The following MYT1L variants were observed in gnomAD, a reference collection of about 807,000 sequenced individuals.
MYT1L encodes myelin transcription factor 1-like protein.
MYT1L carries 12 observed loss-of-function variants against 126.7 expected under a neutral mutation model. The observed-to-expected ratio is 0.09, with a 90% confidence interval of 0.06 to 0.15. The LOEUF (loss-of-function observed/expected upper bound fraction) is 0.15, where lower values mean the gene tolerates loss of function less well. MYT1L is among the 10% of genes least tolerant of loss of function. The pLI is 1.00. For missense variants in MYT1L, 979 were observed against 1,585.2 expected (o/e 0.62, Z 6.49); for synonymous variants, 541 against 604.2 (o/e 0.90, Z 1.53).
In MYT1L at chr2:1,849,564, G is replaced by A. The variant is rs1421109497; in HGVS notation, c.2774+2077C>T. 1.6e-4 allele frequency among the ~76,000 whole-genome samples: 25 copies of A among 152,344 alleles called. No individual in the cohort carries two copies. The East Asian group carries it at 4.6e-3, about 28-fold the overall frequency. ...GCATCTTTGGTTGTCACGAAGGGGT[G>A]GATGCTCCTGGCATCTGGTGGGTGA... On this transcript the variant is annotated intron_variant, in intron 19 of 24. Coordinates refer to ENST00000647738, the MANE Select transcript of MYT1L (RefSeq NM_001303052.2).
chr2:2,308,845 A>T (rs1187427038), intron 1 of MYT1L, among the ~76,000 whole-genome samples: 4 of 151,924 alleles, frequency 2.6e-5, no homozygotes, highest in African/African-American at 9.7e-5. Flanking sequence ...GCTTCAGTAC[A>T]TTCGACCTAT....
intron 3 of MYT1L, among the ~76,000 whole-genome samples, chr2:2,077,860 G>C (rs1447064558): frequency 6.6e-6 from 1 of 152,148 alleles, no homozygotes; most frequent in African/African-American, 2.4e-5. Context: ...AAAACCACAC[G>C]AAAATACAGA....
intron 3 of MYT1L, among the ~76,000 whole-genome samples, chr2:2,081,032 T>C (rs925386967): frequency 2.6e-5 from 4 of 152,214 alleles, no homozygotes; most frequent in African/African-American, 9.6e-5. Context: ...TGACCACTAA[T>C]GGGTCCATTG....
At chr2:2,245,298 C>T (rs967466438) in intron 2 of MYT1L, among the ~76,000 whole-genome samples, 29 of 151,968 alleles carry the variant, frequency 1.9e-4, no homozygotes, top group African/African-American at 6.3e-4. Flanking sequence ...CGACTGAGAG[C>T]GGATGGTGCT....
intron 2 of MYT1L, among the ~76,000 whole-genome samples, chr2:2,241,308 C>G (rs905836540): frequency 1.3e-5 from 2 of 151,968 alleles, no homozygotes; most frequent in African/African-American, 4.8e-5. Flanking sequence ...ACATCCACCA[C>G]AAAACAGAAA....
intron 1 of MYT1L, among the ~76,000 whole-genome samples, chr2:2,290,358 G>T (rs993104010): frequency 6.6e-6 from 1 of 152,114 alleles, no homozygotes; most frequent in Non-Finnish European, 1.5e-5. Flanking sequence ...CTTTATTTGC[G>T]CAAGTCTGAA....
At chr2:1,926,585 T>C (rs537335738) in intron 9 of MYT1L, among the ~76,000 whole-genome samples, 1 of 152,316 alleles carries the variant, frequency 6.6e-6, no homozygotes, top group African/African-American at 2.4e-5. Flanking sequence ...TTTTTTGAGA[T>C]GGAGTCTCAC....
chr2:1,814,027 C>CA lies in MYT1L; in HGVS notation c.3081-4861dup, dbSNP rs144973855. On this transcript the variant is annotated intron_variant, in intron 21 of 24. Transcript: ENST00000647738. Reference sequence around the variant, plus strand: ...GGGCGACAGAGCGAGACTCCGTCCCCAAAAAAAAAAAAAAAAGAAAGAAAA... The same window carrying CA: ...GGGCGACAGAGCGAGACTCCGTCCCCAAAAAAAAAAAAAAAAAGAAAGAAAA... Among the ~76,000 whole-genome samples, 197 of 124,520 alleles carry CA rather than the reference C, an allele frequency of 1.6e-3. 2 individuals carry two copies. Among genetic ancestry groups the CA allele is most frequent in the African/African-American group, 3.0e-3 (102 of 33,912 alleles). The allele number at this position is 124,520 out of a possible 152,430, so 81.7% of individuals were successfully genotyped here.
At chr2:1,820,232 A>G (rs2148129379) in intron 21 of MYT1L, among the ~76,000 whole-genome samples, 1 of 152,316 alleles carries the variant, frequency 6.6e-6, no homozygotes, top group South Asian at 2.1e-4. Flanking sequence ...CTGAGTGTGC[A>G]ATCATTTTCC....
intron 18 of MYT1L, among the ~76,000 whole-genome samples, chr2:1,858,309 C>T (rs935198574): frequency 1.3e-5 from 2 of 152,148 alleles, no homozygotes; most frequent in African/African-American, 2.4e-5. Flanking sequence ...ACTTTCTTTC[C>T]AAACAGAAAG....
At chr2:1,970,791 G>A (rs2059757403) in intron 8 of MYT1L, among the ~76,000 whole-genome samples, 2 of 152,184 alleles carry the variant, frequency 1.3e-5, no homozygotes, top group South Asian at 4.1e-4. Context: ...GACAACAGCT[G>A]TACTGCACGC....
rs376472709 is a variant in MYT1L, at chr2:2,039,711, T to A, written c.-158+14267A>T. ...TTTGATGAGGAATAGGATGAGTTCA[T>A]TTGGGCATAGAAGTTGAGCTCACAC... On this transcript the variant is annotated intron_variant, in intron 4 of 24. Transcript: ENST00000647738. 2.7e-4 allele frequency among the ~76,000 whole-genome samples: 41 copies of A among 152,282 alleles called. No homozygotes were observed. In the South Asian group the frequency reaches 8.1e-3, roughly 30 times the overall value.
intron 9 of MYT1L, among the ~76,000 whole-genome samples, chr2:1,928,508 A>G (rs1467119478): frequency 6.6e-6 from 1 of 152,168 alleles, no homozygotes. Flanking sequence ...CCACTTCCAG[A>G]GCAAGCAGGC....
At chr2:2,011,429 GA>G (rs34924474) in intron 4 of MYT1L, among the ~76,000 whole-genome samples, 10,559 of 139,864 alleles carry the variant, frequency 0.075, 433 homozygotes, top group African/African-American at 0.12. Flanking sequence ...AGAAAAAAAA[GA>G]AAAAAAAAAA....
intron 5 of MYT1L, among the ~76,000 whole-genome samples, chr2:1,991,905 C>A (rs1325296525): frequency 6.6e-6 from 1 of 152,188 alleles, no homozygotes; most frequent in South Asian, 2.1e-4. Context: ...GCTCTCAGAG[C>A]TCTATCCTGG....
At position 1,790,431 on chromosome 2, in the gene MYT1L, A is replaced by G. The variant is rs150561632; in HGVS notation, c.*1436T>C. On this transcript the variant is annotated 3_prime_UTR_variant, in exon 25 of 25. Coordinates refer to ENST00000647738, the MANE Select transcript of MYT1L (RefSeq NM_001303052.2). ...GTGGTCTTATGCATACATATAGTGCAGTCATTGGGAGTAAAACAATCAAAT... is the reference window on the plus strand; with the variant it reads ...GTGGTCTTATGCATACATATAGTGCGGTCATTGGGAGTAAAACAATCAAAT... 7.2e-5 allele frequency: 11 copies of G among 152,372 alleles called. No individual in the cohort carries two copies. Among genetic ancestry groups the G allele is most frequent in the Non-Finnish European group, 1.0e-4 (7 of 68,050 alleles). 9.4% of individuals were successfully genotyped at this position (152,372 alleles called of 1,614,324 possible).
chr2:2,254,411 C>T (rs1196750372), intron 2 of MYT1L, among the ~76,000 whole-genome samples: 1 of 152,126 alleles, frequency 6.6e-6, no homozygotes, highest in Admixed American at 6.5e-5. Context: ...CTGGGCTGCA[C>T]CTCAGGAGAC....
At chr2:1,992,726 G>T (rs1055975641) in intron 5 of MYT1L, among the ~76,000 whole-genome samples, 5 of 152,210 alleles carry the variant, frequency 3.3e-5, no homozygotes, top group Non-Finnish European at 7.3e-5. Context: ...TTTAAACAAA[G>T]ATGATAACGG....
chr2:2,111,612 G>C (rs1031715857), intron 3 of MYT1L, among the ~76,000 whole-genome samples: 1 of 152,172 alleles, frequency 6.6e-6, no homozygotes, highest in Non-Finnish European at 1.5e-5. Context: ...TAGTGAATAG[G>C]GCAGTTAGTA....
Sources: gnomAD v4.1 joint callset for allele counts (sites outside exome capture counted in the v4.1 genomes callset) on GRCh38, gnomAD v4.1.1 for gene constraint, MANE v1.5 for transcripts, NCBI Gene and HGNC (gene_info 2026-07-23, HGNC 2026-07-21) for gene names.